Variants in PRKCH observed in about 807,000 individuals in gnomAD.
PRKCH encodes the protein protein kinase C eta type.
PRKCH carries 28 observed loss-of-function variants against 82.5 expected under a neutral mutation model. That is an observed-to-expected ratio of 0.34 (90% CI 0.25 to 0.47). PRKCH has a LOEUF of 0.47. PRKCH is among the 20% of genes least tolerant of loss of function. PRKCH has a pLI of 1.00. For synonymous variants in PRKCH, 322 were observed against 327.4 expected, an observed-to-expected ratio of 0.98 and a Z score of 0.18; for missense variants, 705 against 881.8, an observed-to-expected ratio of 0.80 and a Z score of 2.54.
intron 10 of PRKCH, among the ~76,000 whole-genome samples, chr14:61,500,437 A>C (rs778156861): frequency 6.6e-5 from 10 of 151,906 alleles, no homozygotes; most frequent in Non-Finnish European, 1.3e-4. Flanking sequence ...GGCTCAAGCA[A>C]CCCTCCCACT....
At chr14:61,318,862 AGTTTTTATTTTTT>A (rs1389955473), upstream of PRKCH, among the ~76,000 whole-genome samples, 1 of 151,844 alleles carries the variant, frequency 6.6e-6, no homozygotes, top group East Asian at 2.0e-4. Context: ...TAATTTTTTT[AGTTTTTATTTTTT>A]GTAGAGACAG....
intron 10 of PRKCH, among the ~76,000 whole-genome samples, chr14:61,516,001 A>G (rs2042822809): frequency 6.6e-6 from 1 of 152,180 alleles, no homozygotes; most frequent in African/African-American, 2.4e-5. Flanking sequence ...AAATAAGCCC[A>G]GAGTGGTTAA....
At chr14:61,286,581 A>G (rs1424717661) in intron 1 of PRKCH, among the ~76,000 whole-genome samples, 1 of 151,986 alleles carries the variant, frequency 6.6e-6, no homozygotes, top group South Asian at 2.1e-4. Flanking sequence ...GTTCGAGATC[A>G]GTCTGACCAA....
intron 1 of PRKCH, among the ~76,000 whole-genome samples, chr14:61,323,960 A>G (rs915762991): frequency 2.0e-5 from 3 of 152,356 alleles, no homozygotes; most frequent in East Asian, 1.9e-4. Context: ...GCCAGTGGCC[A>G]TGAGAAGCAT....
At chr14:61,526,377 A>G (rs1697333680) in intron 10 of PRKCH, among the ~76,000 whole-genome samples, 1 of 152,234 alleles carries the variant, frequency 6.6e-6, no homozygotes. Context: ...GGAGGCTGCT[A>G]CTAAGAGCAG....
intron 9 of PRKCH, among the ~76,000 whole-genome samples, chr14:61,479,838 A>G (rs1202977392): frequency 6.6e-6 from 1 of 152,218 alleles, no homozygotes; most frequent in Non-Finnish European, 1.5e-5. Flanking sequence ...ATCACCAGGC[A>G]GCAGCTCCTC....
At chr14:61,367,365 T>C (rs569576175) in intron 1 of PRKCH, among the ~76,000 whole-genome samples, 46 of 151,344 alleles carry the variant, frequency 3.0e-4, no homozygotes, top group Admixed American at 2.9e-3. Context: ...TGTGTATGTG[T>C]GTGTGTGTGT....
At chr14:61,220,581 A>T (rs1265671788) in intron 1 of PRKCH, among the ~76,000 whole-genome samples, 2 of 152,260 alleles carry the variant, frequency 1.3e-5, no homozygotes, top group African/African-American at 4.8e-5. Flanking sequence ...CACTGGACAT[A>T]AAGGACAGTG....
intron 9 of PRKCH, among the ~76,000 whole-genome samples, chr14:61,468,664 G>T (rs7142051): frequency 0.023 from 3,421 of 149,376 alleles, 130 homozygotes; most frequent in African/African-American, 0.084. Flanking sequence ...AAAAGGATTT[G>T]AAATAGTTGG....
intron 10 of PRKCH, among the ~76,000 whole-genome samples, chr14:61,497,260 G>C (rs914350052): frequency 6.6e-6 from 1 of 152,108 alleles, no homozygotes; most frequent in African/African-American, 2.4e-5. Flanking sequence ...ATCTTGATCA[G>C]GTTACTTTAC....
intron 6 of PRKCH, among the ~76,000 whole-genome samples, chr14:61,452,164 A>G (rs1283914121): frequency 6.6e-6 from 1 of 151,834 alleles, no homozygotes; most frequent in Non-Finnish European, 1.5e-5. Flanking sequence ...TTTTGCCTTT[A>G]TGGTCACTTG....
At chr14:61,501,157 C>T (rs1886888248) in intron 10 of PRKCH, among the ~76,000 whole-genome samples, 1 of 152,140 alleles carries the variant, frequency 6.6e-6, no homozygotes, top group Non-Finnish European at 1.5e-5. Context: ...AAAATTAATT[C>T]ATGTGGCTTG....
In PRKCH at chr14:61,487,468, G is replaced by A. The variant is rs181297462; in HGVS notation, c.1433+1812G>A. On this transcript the variant is annotated intron_variant, in intron 10 of 13. Transcript: ENST00000332981. ...AGTGTATGCTTTGTGGAGGTTGCTG[G>A]TATGATCTCTGATGGTGAAGGGAGT... 2.6e-5 allele frequency among the ~76,000 whole-genome samples: 4 copies of A among 152,222 alleles called. No homozygotes were observed. The East Asian group carries it at 5.8e-4, about 22-fold the overall frequency.
intron 1 of PRKCH, among the ~76,000 whole-genome samples, chr14:61,294,810 A>G (rs1367222483): frequency 6.6e-6 from 1 of 152,116 alleles, no homozygotes; most frequent in African/African-American, 2.4e-5. Context: ...ATATCAGTAT[A>G]TATCTCTTAG....
At chr14:61,230,673 T>A (rs1300147809) in intron 1 of PRKCH, among the ~76,000 whole-genome samples, 1 of 152,232 alleles carries the variant, frequency 6.6e-6, no homozygotes, top group Non-Finnish European at 1.5e-5. Context: ...AGAAGCTGTA[T>A]GCAAACTCTG....
In PRKCH at chr14:61,437,393, C is replaced by T. The variant is rs950190407; in HGVS notation, c.428-5718C>T. On this transcript the variant is annotated intron_variant, in intron 2 of 13. Transcript: ENST00000332981. ...TTTCTGGTTCTTTCTTGACTAGTAG[C>T]TTTTGGTTAACTCTAAGGTTTTTCT... Among the ~76,000 whole-genome samples the T allele has an allele frequency of 3.3e-5, 5 of 152,128 alleles. No homozygotes were observed. In the South Asian group the frequency reaches 1.0e-3, roughly 31 times the overall value.
chr14:61,310,714 G>T (rs999260227), intron 1 of PRKCH, among the ~76,000 whole-genome samples: 9 of 152,248 alleles, frequency 5.9e-5, no homozygotes, highest in African/African-American at 1.7e-4. Context: ...ACCCAATGGG[G>T]ACTCTGTGTG....
chr14:61,245,954 G>A (rs968643717), intron 1 of PRKCH, among the ~76,000 whole-genome samples: 2 of 152,128 alleles, frequency 1.3e-5, no homozygotes, highest in Non-Finnish European at 2.9e-5. Flanking sequence ...ATTAGTGGTC[G>A]CTGGTCTTTT....
At chr14:61,420,187 G>GTGTGCGTGTA (rs1882763050) in intron 2 of PRKCH, among the ~76,000 whole-genome samples, 1 of 152,024 alleles carries the variant, frequency 6.6e-6, no homozygotes, top group East Asian at 1.9e-4. Context: ...CTGTACGTGT[G>GTGTGCGTGTA]TGTGTGCGTG....
Sources: gnomAD v4.1 joint callset for allele counts (sites outside exome capture counted in the v4.1 genomes callset) on GRCh38, gnomAD v4.1.1 for gene constraint, MANE v1.5 for transcripts, NCBI Gene and HGNC (gene_info 2026-07-23, HGNC 2026-07-21) for gene names.